The following DLG1 variants were observed in gnomAD, a reference collection of about 807,000 sequenced individuals.
DLG1 encodes disks large homolog 1.
DLG1 carries 42 observed loss-of-function variants against 123.4 expected under a neutral mutation model. The ratio of observed to expected loss-of-function variants is 0.34; its 90% CI spans 0.27 to 0.44. The LOEUF (loss-of-function observed/expected upper bound fraction) is 0.44. Ranked by LOEUF, DLG1 falls within the 20% of genes least tolerant of loss-of-function variation. DLG1 has a pLI of 1.00. For synonymous variants in DLG1, 317 were observed against 356.2 expected, an observed-to-expected ratio of 0.89 and a Z score of 1.24; for missense variants, 942 against 1,082.6, an observed-to-expected ratio of 0.87 and a Z score of 1.82.
chr3:197,089,564 A>G (rs910657338), intron 15 of DLG1, among the ~76,000 whole-genome samples: 5 of 151,580 alleles, frequency 3.3e-5, no homozygotes, highest in African/African-American at 1.2e-4. Context: ...ATAGAGCATT[A>G]CTTCTCTAAA....
At chr3:197,150,379 A>C (rs1362620473) in intron 5 of DLG1, among the ~76,000 whole-genome samples, 1 of 152,192 alleles carries the variant, frequency 6.6e-6, no homozygotes, top group African/African-American at 2.4e-5. Context: ...TATTACAGCA[A>C]GAAAAATAAG....
chr3:197,101,455 G>A (rs1232670120), intron 14 of DLG1, among the ~76,000 whole-genome samples: 3 of 150,386 alleles, frequency 2.0e-5, no homozygotes, highest in Non-Finnish European at 3.0e-5. Flanking sequence ...GCGTGATCTC[G>A]GCTCACTGCA....
At chr3:197,071,308 ATACC>A (rs1467941891) in intron 18 of DLG1, among the ~76,000 whole-genome samples, 3 of 152,166 alleles carry the variant, frequency 2.0e-5, no homozygotes, top group Admixed American at 6.5e-5. Context: ...GGATAAACAA[ATACC>A]TGCAGGGTTT....
At position 197,282,670 on chromosome 3, in the gene DLG1, T is replaced by A; in HGVS notation, c.318+9A>T. ...AAAAAACAGCTTCAGAACACATTTT[T>A]TATCTCACCTCTACACTAGGGCTAA... On this transcript the variant is annotated intron_variant, in intron 4 of 24. Coordinates refer to ENST00000667157, the MANE Select transcript of DLG1 (RefSeq NM_001366207.1). The A allele has an allele frequency of 6.6e-7, 1 of 1,512,444 alleles. No individual in the cohort carries two copies. The allele number at this position is 1,512,444 out of a possible 1,614,324, so 93.7% of individuals were successfully genotyped here.
chr3:197,193,292 T>C (rs1387600990), intron 5 of DLG1, among the ~76,000 whole-genome samples: 1 of 152,172 alleles, frequency 6.6e-6, no homozygotes, highest in East Asian at 1.9e-4. Context: ...CATACCTCCC[T>C]AGTAAAATTC....
intron 12 of DLG1, among the ~76,000 whole-genome samples, chr3:197,117,050 C>T (rs530713914): frequency 4.6e-5 from 7 of 152,088 alleles, no homozygotes; most frequent in Middle Eastern, 3.4e-3. Context: ...GGGGAAAATA[C>T]ACTCTGATTT....
chr3:197,234,656 CAAAG>C (rs376364501), intron 4 of DLG1, among the ~76,000 whole-genome samples: 172 of 152,006 alleles, frequency 1.1e-3, no homozygotes, highest in African/African-American at 3.3e-3. Context: ...ACTGGGGGAA[CAAAG>C]AAAGAGGGCT....
chr3:197,157,592 T>TA (rs140452670), intron 5 of DLG1, among the ~76,000 whole-genome samples: 22,034 of 152,138 alleles, frequency 0.14, 2,272 homozygotes, highest in African/African-American at 0.29. Context: ...TTGGAAGACT[T>TA]ACTATTGCAA....
intron 13 of DLG1, among the ~76,000 whole-genome samples, chr3:197,113,855 C>T (rs2149385127): frequency 6.6e-6 from 1 of 152,184 alleles, no homozygotes; most frequent in African/African-American, 2.4e-5. Flanking sequence ...AAAATTGAAG[C>T]TGCTACAGTT....
At chr3:197,230,147 T>C (rs1207392497) in intron 4 of DLG1, among the ~76,000 whole-genome samples, 1 of 152,178 alleles carries the variant, frequency 6.6e-6, no homozygotes, top group Non-Finnish European at 1.5e-5. Context: ...TCTGTTTAAA[T>C]TGGATTTTTC....
intron 3 of DLG1, among the ~76,000 whole-genome samples, chr3:197,294,657 CAAAAAAAAAA>C (rs71926647): frequency 1.3e-5 from 1 of 79,124 alleles, no homozygotes; most frequent in South Asian, 5.0e-4. Context: ...GACTCTGCCT[CAAAAAAAAAA>C]AAAAAAAAAA....
chr3:197,179,025 T>C (rs112965423), intron 5 of DLG1, among the ~76,000 whole-genome samples: 3 of 152,106 alleles, frequency 2.0e-5, no homozygotes, highest in Admixed American at 6.6e-5. Flanking sequence ...CAGAAGTGAA[T>C]ATGGGTAAGC....
chr3:197,051,509 C>G, intron 24 of DLG1, 68 bp downstream of exon 24: 1 of 1,207,422 alleles, frequency 8.3e-7, no homozygotes, highest in Non-Finnish European at 1.2e-6. Context: ...TCCACCTGAA[C>G]GGGTCGGTTC....
chr3:197,158,634 C>CAAAAAAAAAAAAAAAAAAAAAAAAA (rs71623339), intron 5 of DLG1, among the ~76,000 whole-genome samples: 20 of 67,486 alleles, frequency 3.0e-4, no homozygotes, highest in African/African-American at 6.1e-4. Context: ...AACTCCATTT[C>CAAAAAAAAAAAAAAAAAAAAAAAAA]AAAAAAAAAA....
chr3:197,045,577 TAAA>T (rs35371226), intron 24 of DLG1, among the ~76,000 whole-genome samples: 1 of 142,760 alleles, frequency 7.0e-6, no homozygotes, highest in Non-Finnish European at 1.5e-5. Context: ...CCTGTGTATT[TAAA>T]AAAAAAAAAA....
At position 197,116,095 on chromosome 3, in the gene DLG1, A is replaced by G; in HGVS notation, c.1287-12T>C. The G allele has an allele frequency of 6.3e-7, 1 of 1,588,134 alleles. No homozygotes were observed. Among genetic ancestry groups the G allele is most frequent in the Non-Finnish European group, 8.5e-7 (1 of 1,172,410 alleles). On this transcript the variant is annotated splice_polypyrimidine_tract_variant and intron_variant, in intron 12 of 24. Transcript: ENST00000667157. The stretch of plus-strand genomic sequence containing the variant: ...CTTTTCTAGGTTCCCTAAAAATTAA[A>G]AAAAATTGAGTATCTTGGAAATTTT...
At chr3:197,271,250 C>G (rs911469128) in intron 4 of DLG1, among the ~76,000 whole-genome samples, 3 of 152,174 alleles carry the variant, frequency 2.0e-5, no homozygotes, top group African/African-American at 7.2e-5. Context: ...ATCCACAACC[C>G]TAAAGTATGG....
At chr3:197,099,526 T>A (rs1762356487) in intron 14 of DLG1, among the ~76,000 whole-genome samples, 1 of 152,182 alleles carries the variant, frequency 6.6e-6, no homozygotes, top group Admixed American at 6.5e-5. Context: ...ATGAAACGTA[T>A]TAGGACGTAT....
At chr3:197,059,206 T>G (rs1235565797) in intron 23 of DLG1, among the ~76,000 whole-genome samples, 1 of 152,186 alleles carries the variant, frequency 6.6e-6, no homozygotes, top group African/African-American at 2.4e-5. Context: ...ATTACAGACG[T>G]GAGCCACTGT....
Sources: gnomAD v4.1 joint callset for allele counts (sites outside exome capture counted in the v4.1 genomes callset) on GRCh38, gnomAD v4.1.1 for gene constraint, MANE v1.5 for transcripts, NCBI Gene and HGNC (gene_info 2026-07-23, HGNC 2026-07-21) for gene names.